GDF1: variants seen among roughly 807,000 people sequenced by gnomAD.
GDF1 encodes the protein growth differentiation factor 1.
A neutral mutation model predicts 7.4 loss-of-function variants in GDF1; 8 were observed. The ratio of observed to expected loss-of-function variants is 1.09; its 90% CI spans 0.64 to 1.96. GDF1 has a LOEUF of 1.96. Ranked by LOEUF, GDF1 falls within the 30% of genes most tolerant of loss-of-function variation. The pLI, the probability that GDF1 is intolerant of heterozygous loss-of-function variation, is 0.00. For synonymous variants in GDF1, 311 were observed against 276.7 expected (o/e 1.12, Z -1.23); for missense variants, 574 against 551.5 (o/e 1.04, Z -0.41).
chr19:18,881,132 T>C (rs927456093), intron 3 of GDF1, among the ~76,000 whole-genome samples: 2 of 151,956 alleles, frequency 1.3e-5, no homozygotes, highest in African/African-American at 2.4e-5. Flanking sequence ...ACCACCACCA[T>C]GATGAGACTT....
In GDF1 at chr19:18,884,131, G is replaced by A. The variant is rs1251219842; in HGVS notation, c.-777C>T. ...CGATGAGGATGAGAGTGACCACGTG[G>A]TGGAGCAGCATGACCACCGAGTCCT... On this transcript the variant is annotated 5_prime_UTR_variant, in exon 3 of 8. Coordinates refer to ENST00000247005, the MANE Select transcript of GDF1 (RefSeq NM_001492.6). 6.2e-6 allele frequency: 10 copies of A among 1,613,608 alleles called. No homozygotes were observed. Among genetic ancestry groups the A allele is most frequent in the Non-Finnish European group, 8.5e-6 (10 of 1,179,794 alleles).
At chr19:18,873,854 A>AAG in intron 6 of GDF1, among the ~76,000 whole-genome samples, 1 of 151,434 alleles carries the variant, frequency 6.6e-6, no homozygotes, top group Admixed American at 6.6e-5. Flanking sequence ...AAAAAAAAAA[A>AAG]AAGAAGAAGA....
Position 18,869,122 on chromosome 19 carries a change from C to T in GDF1, c.594G>A (p.Leu198=). 7 of 1,090,808 alleles carry T rather than the reference C, an allele frequency of 6.4e-6. No homozygotes were observed. Among genetic ancestry groups the T allele is most frequent in the Admixed American group, 5.3e-5 (1 of 18,926 alleles). 67.6% of individuals were successfully genotyped at this position (1,090,808 alleles called of 1,614,324 possible). The change falls in exon 8 of 8, where the codon CTG becomes CTA. Residue 198 remains leucine (L), a synonymous_variant. Transcript: ENST00000247005. The stretch of plus-strand genomic sequence containing the variant: ...CGTTGCGAGCCCAAGCGGCGCCCAG[C>T]AGCTCCGCGCGCACTGGCGGCCCCA... The part of the protein sequence containing the change: ...PALGPPVRAE[L]LGAAWARNAS...
At chr19:18,885,277 T>G (rs1169513111) in intron 2 of GDF1, among the ~76,000 whole-genome samples, 4 of 152,134 alleles carry the variant, frequency 2.6e-5, no homozygotes, top group Non-Finnish European at 4.4e-5. Flanking sequence ...CATAGTTCAC[T>G]GCAGCCTCGA....
chr19:18,887,362 T>C (rs1195815317), intron 2 of GDF1, among the ~76,000 whole-genome samples: 1 of 152,014 alleles, frequency 6.6e-6, no homozygotes, highest in Non-Finnish European at 1.5e-5. Flanking sequence ...AGAGGACTGG[T>C]GAGTGACTGC....
chr19:18,870,102 C>G lies in GDF1; in HGVS notation c.206G>C (p.Arg69Pro). ...GCCAGACCTGGTCTCCTGGGGGTCC[C>G]GGCGTCGAAACAGGCGCCACATGAC... ...PPVMWRLFRRRDPQETRSGSR... is the reference protein window; with the variant it reads ...PPVMWRLFRRPDPQETRSGSR... The change falls in exon 7 of 8, where the codon CGG (arginine) becomes CCG (proline). Residue 69 changes from arginine to proline, a missense_variant. Coordinates refer to ENST00000247005, the MANE Select transcript of GDF1 (RefSeq NM_001492.6). The surrounding 1 kb of genome is among the most constrained non-coding windows in gnomAD (Gnocchi z 5.1). 1.9e-6 allele frequency: 3 copies of G among 1,570,018 alleles called. No homozygotes were observed. The highest frequency in any genetic ancestry group is 1.8e-5 in the Admixed American group (1 of 55,216).
chr19:18,893,684 G>A (rs1341260129), intron 1 of GDF1, 109 bp from the exon 2 acceptor site: 2 of 1,159,636 alleles, frequency 1.7e-6, no homozygotes, highest in African/African-American at 1.5e-5. Flanking sequence ...GCAGCACTGG[G>A]AAGGCCTGTC....
intron 3 of GDF1, among the ~76,000 whole-genome samples, chr19:18,882,716 G>A (rs1471992601): frequency 5.3e-5 from 8 of 150,806 alleles, no homozygotes; most frequent in South Asian, 4.2e-4. Context: ...TTTTTGAGAC[G>A]GAGTCTCGCT....
chr19:18,893,267 T>C, intron 2 of GDF1, 149 bp downstream of exon 2: 4 of 789,344 alleles, frequency 5.1e-6, no homozygotes, highest in Non-Finnish European at 7.9e-6. Flanking sequence ...CAGGCTGGAG[T>C]GCAGTGGCGT....
chr19:18,891,740 G>T (rs1486262582), intron 2 of GDF1, among the ~76,000 whole-genome samples: 1 of 151,470 alleles, frequency 6.6e-6, no homozygotes, highest in East Asian at 1.9e-4. Flanking sequence ...ACCATACCAG[G>T]CTAATTTTTT....
rs1207248028 is a variant in GDF1, at chr19:18,895,586, C to G, written c.-1074+238G>C. Among the ~76,000 whole-genome samples the G allele has an allele frequency of 6.6e-6, 1 of 151,740 alleles. No individual in the cohort carries two copies. The highest frequency in any genetic ancestry group is 1.5e-5 in the Non-Finnish European group (1 of 67,880). On this transcript the variant is annotated intron_variant, in intron 1 of 7. Transcript: ENST00000247005. The surrounding 1 kb of genome is among the most constrained non-coding windows in gnomAD (Gnocchi z 6.4). ...CCCCAGCCCGGCCACACCCCCGCATCTACCCGGTTCCCCCACGCAGCACTG... is the reference window on the plus strand; with the variant it reads ...CCCCAGCCCGGCCACACCCCCGCATGTACCCGGTTCCCCCACGCAGCACTG...
rs768953358 is a variant in GDF1 at position 18,870,051 on chromosome 19, G to T, written c.257C>A (p.Thr86Asn). 9 of 1,592,596 alleles carry T rather than the reference G, an allele frequency of 5.7e-6. No homozygotes were observed. Among genetic ancestry groups the T allele is most frequent in the Non-Finnish European group, 7.7e-6 (9 of 1,173,496 alleles). ...SGSRRTSPGV[T>N]LQPCHVEELG... ...CTCCTCCACGTGGCACGGTTGCAGGGTGACCCCTGGGGACGTCCGCCGCGA... is the reference window on the plus strand; with the variant it reads ...CTCCTCCACGTGGCACGGTTGCAGGTTGACCCCTGGGGACGTCCGCCGCGA... Residue 86 changes from threonine to asparagine, a missense_variant, in exon 7 of 8, where the codon ACC (threonine) becomes AAC (asparagine). By Grantham distance (65) the Thr-to-Asn change is moderately conservative. Coordinates refer to ENST00000247005, the MANE Select transcript of GDF1 (RefSeq NM_001492.6). This position sits in a 1 kb window ranked among gnomAD's most constrained non-coding sequence, Gnocchi z 5.1.
At chr19:18,876,310 T>C (rs2056059877) in intron 6 of GDF1, among the ~76,000 whole-genome samples, 1 of 151,530 alleles carries the variant, frequency 6.6e-6, no homozygotes. Flanking sequence ...TGATGGTCTC[T>C]CATACCTGTT....
chr19:18,873,738 G>A (rs925565109), intron 6 of GDF1, among the ~76,000 whole-genome samples: 10 of 151,978 alleles, frequency 6.6e-5, no homozygotes, highest in Non-Finnish European at 1.2e-4. Flanking sequence ...CTACTCGGGA[G>A]GCTGAGGCAG....
intron 2 of GDF1, among the ~76,000 whole-genome samples, chr19:18,892,238 G>C (rs1465363190): frequency 6.6e-6 from 1 of 151,976 alleles, no homozygotes; most frequent in Non-Finnish European, 1.5e-5. Flanking sequence ...GCAAGCCGAG[G>C]GGACCCTCCC....
At chr19:18,890,025 T>C (rs1057305087) in intron 2 of GDF1, among the ~76,000 whole-genome samples, 1 of 152,206 alleles carries the variant, frequency 6.6e-6, no homozygotes, top group African/African-American at 2.4e-5. Flanking sequence ...AGCCCCCTCC[T>C]GGACCCCTGG....
In GDF1 at chr19:18,869,477, C is replaced by T. The variant is rs2055922375; in HGVS notation, c.326-87G>A. 9.3e-6 allele frequency: 13 copies of T among 1,400,424 alleles called. No homozygotes were observed. The South Asian group carries it at 1.6e-4, about 17-fold the overall frequency. 86.7% of individuals were successfully genotyped at this position (1,400,424 alleles called of 1,614,324 possible). A position where few individuals can be genotyped will look rare whatever the true frequency, so the allele number is the denominator to read the frequency against. On this transcript the variant is annotated intron_variant, in intron 7 of 7. Transcript: ENST00000247005. ...GGTTAGGGACAGGGAGGAAGGTGAA[C>T]GCTGGGGCTCGGGGCGCACCGTCTG...
chr19:18,889,257 C>T (rs79586006), intron 2 of GDF1, among the ~76,000 whole-genome samples: 2 of 152,098 alleles, frequency 1.3e-5, no homozygotes, highest in East Asian at 1.9e-4. Context: ...CTGATCCTCT[C>T]CATCCTGACT....
At chr19:18,883,985 T>C (rs2056282029) in intron 3 of GDF1, 102 bp downstream of exon 3, 1 of 1,285,682 alleles carries the variant, frequency 7.8e-7, no homozygotes, top group Non-Finnish European at 1.1e-6. Context: ...TCCGACCTGA[T>C]GTGATCCCCT....
Sources: allele counts gnomAD v4.1 joint callset (sites outside exome capture counted in the v4.1 genomes callset), GRCh38; gene constraint gnomAD v4.1.1; non-coding constraint Gnocchi (gnomAD v3.1); transcripts MANE v1.5; gene names NCBI Gene and HGNC (gene_info 2026-07-23, HGNC 2026-07-21).